Variants in OPCML observed in about 807,000 individuals in gnomAD.
OPCML encodes the protein opioid-binding protein/cell adhesion molecule.
Under a neutral mutation model 37.8 loss-of-function variants are expected in OPCML, and 13 were observed. That is an observed-to-expected ratio of 0.34 (90% CI 0.22 to 0.55). The LOEUF (loss-of-function observed/expected upper bound fraction) is 0.55, where lower values mean the gene tolerates loss of function less well. OPCML is among the 20% of genes least tolerant of loss of function. OPCML has a pLI of 0.91. For synonymous variants in OPCML, 176 were observed against 168.8 expected (o/e 1.04, Z -0.33); for missense variants, 341 against 435.6 (o/e 0.78, Z 1.93).
chr11:133,001,528 G>T (rs1293991186), intron 1 of OPCML, among the ~76,000 whole-genome samples: 1 of 152,196 alleles, frequency 6.6e-6, no homozygotes, highest in Admixed American at 6.5e-5. Context: ...CCATAGTCCA[G>T]GCCAAGCCTT....
intron 1 of OPCML, among the ~76,000 whole-genome samples, chr11:133,101,928 C>T (rs1949089600): frequency 6.6e-6 from 1 of 151,882 alleles, no homozygotes; most frequent in Admixed American, 6.6e-5. Context: ...ATAGGGGAAA[C>T]TTAAATGCAT....
intron 1 of OPCML, among the ~76,000 whole-genome samples, chr11:133,015,281 G>A (rs542266864): frequency 6.8e-6 from 1 of 147,482 alleles, no homozygotes; most frequent in Admixed American, 6.7e-5. Context: ...TCTGTGTTGG[G>A]TAGAGTGTTA....
rs112899782 is a variant in OPCML, at chr11:133,143,461, G to T, written c.62-200451C>A. 4.7e-3 allele frequency among the ~76,000 whole-genome samples: 711 copies of T among 152,260 alleles called. 4 individuals carry two copies. Among genetic ancestry groups the T allele is most frequent in the African/African-American group, 0.016 (666 of 41,548 alleles). ...AGATCCACAGCATGAAAGAAGTCTG[G>T]GTCCCAGAATGCATGCATGGAGCAG... is the stretch of plus-strand genomic sequence containing the variant. On this transcript the variant is annotated intron_variant, in intron 1 of 7. Transcript: ENST00000524381.
At chr11:133,149,723 G>C (rs1949950255) in intron 1 of OPCML, among the ~76,000 whole-genome samples, 1 of 152,214 alleles carries the variant, frequency 6.6e-6, no homozygotes, top group African/African-American at 2.4e-5. Context: ...CTGCTGTTTT[G>C]TCATGTGGTG....
chr11:132,653,230 T>C (rs143191647), intron 3 of OPCML, among the ~76,000 whole-genome samples: 114 of 152,312 alleles, frequency 7.5e-4, no homozygotes, highest in African/African-American at 2.6e-3. Context: ...CTGGGTGATA[T>C]CATTTTAATT....
chr11:132,920,880 A>T (rs1944769251), intron 2 of OPCML, among the ~76,000 whole-genome samples: 1 of 152,086 alleles, frequency 6.6e-6, no homozygotes, highest in Non-Finnish European at 1.5e-5. Context: ...TCCTGAGCTC[A>T]TTAATCTCGG....
At chr11:133,220,753 GC>G (rs1592116935) in intron 1 of OPCML, among the ~76,000 whole-genome samples, 1 of 151,738 alleles carries the variant, frequency 6.6e-6, no homozygotes, top group South Asian at 2.1e-4. Flanking sequence ...CCATTTTTCT[GC>G]CCCCTCTTCC....
chr11:132,480,416 G>A (rs933841587), intron 4 of OPCML, among the ~76,000 whole-genome samples: 3 of 152,182 alleles, frequency 2.0e-5, no homozygotes, highest in Non-Finnish European at 2.9e-5. Context: ...AAGTGATGGG[G>A]AGAATGGAAC....
At chr11:133,178,319 G>T (rs545429409) in intron 1 of OPCML, among the ~76,000 whole-genome samples, 37 of 152,232 alleles carry the variant, frequency 2.4e-4, no homozygotes, top group Non-Finnish European at 5.3e-4. Flanking sequence ...ATAGGAAAAT[G>T]GTGCAGAGCT....
At chr11:132,974,107 G>T (rs983569086) in intron 1 of OPCML, among the ~76,000 whole-genome samples, 2 of 152,174 alleles carry the variant, frequency 1.3e-5, no homozygotes, top group Admixed American at 1.3e-4. Flanking sequence ...CCATCTTGAT[G>T]TCTCAGGAAA....
intron 1 of OPCML, among the ~76,000 whole-genome samples, chr11:133,355,310 C>T (rs745674417): frequency 2.6e-5 from 4 of 152,136 alleles, no homozygotes; most frequent in Non-Finnish European, 5.9e-5. Context: ...TTTCTCAGTT[C>T]CAAGGTAACT....
chr11:133,379,385 C>T lies in OPCML; in HGVS notation c.61+152879G>A, dbSNP rs117623324. Reference sequence around the variant, plus strand: ...TCAGCTGAGCTCTTTAGAGAGCTCCCTCTGCGGCCACACCCATTTCTTCAG... The same window carrying T: ...TCAGCTGAGCTCTTTAGAGAGCTCCTTCTGCGGCCACACCCATTTCTTCAG... On this transcript the variant is annotated intron_variant, in intron 1 of 7. Transcript: ENST00000524381. Among the ~76,000 whole-genome samples, 1,086 of 152,352 alleles carry T rather than the reference C, an allele frequency of 7.1e-3. 4 individuals carry two copies. The highest frequency in any genetic ancestry group is 0.017 in the Middle Eastern group (5 of 294).
At chr11:132,924,650 T>C (rs893109684) in intron 2 of OPCML, among the ~76,000 whole-genome samples, 2 of 152,226 alleles carry the variant, frequency 1.3e-5, no homozygotes, top group Non-Finnish European at 2.9e-5. Context: ...CAAGGTGTTT[T>C]TCCCCGCTAG....
intron 2 of OPCML, among the ~76,000 whole-genome samples, chr11:132,835,675 A>C (rs748862694): frequency 2.0e-5 from 3 of 152,230 alleles, no homozygotes; most frequent in Non-Finnish European, 4.4e-5. Context: ...GGACCCTAGA[A>C]GAGGCCCTAA....
At chr11:132,463,010 C>T (rs537365660) in intron 4 of OPCML, among the ~76,000 whole-genome samples, 9 of 152,278 alleles carry the variant, frequency 5.9e-5, no homozygotes, top group Admixed American at 3.9e-4. Flanking sequence ...GATAGAACTT[C>T]TCCCTTACCA....
intron 2 of OPCML, among the ~76,000 whole-genome samples, chr11:132,837,268 G>A (rs967304684): frequency 2.0e-4 from 30 of 152,194 alleles, no homozygotes; most frequent in African/African-American, 6.5e-4. Context: ...GACCGAGATC[G>A]CGCCATTGCA....
At chr11:132,830,581 A>G (rs1032613823) in intron 2 of OPCML, among the ~76,000 whole-genome samples, 1 of 152,210 alleles carries the variant, frequency 6.6e-6, no homozygotes, top group Non-Finnish European at 1.5e-5. Context: ...TGCAAATATC[A>G]GAATCTAAAA....
At chr11:133,142,138 C>T (rs547008368) in intron 1 of OPCML, among the ~76,000 whole-genome samples, 1 of 152,300 alleles carries the variant, frequency 6.6e-6, no homozygotes, top group Non-Finnish European at 1.5e-5. Flanking sequence ...CCTCTATTCT[C>T]ACCTCTATTT....
chr11:133,293,334 C>T (rs1489338032), intron 1 of OPCML, among the ~76,000 whole-genome samples: 1 of 152,168 alleles, frequency 6.6e-6, no homozygotes, highest in African/African-American at 2.4e-5. Flanking sequence ...AAAATAGTAT[C>T]TGTGATCACA....
Sources: gnomAD v4.1 joint callset for allele counts (sites outside exome capture counted in the v4.1 genomes callset) on GRCh38, gnomAD v4.1.1 for gene constraint, MANE v1.5 for transcripts, NCBI Gene and HGNC (gene_info 2026-07-23, HGNC 2026-07-21) for gene names.